STK11IP: variants seen among roughly 807,000 people sequenced by gnomAD.
STK11IP encodes the protein serine/threonine kinase 11 interacting protein.
Under a neutral mutation model 131.7 loss-of-function variants are expected in STK11IP, and 103 were observed. That is an observed-to-expected ratio of 0.78 (90% CI 0.67 to 0.92). The LOEUF (loss-of-function observed/expected upper bound fraction) is 0.92, where lower values mean the gene tolerates loss of function less well. Ranked by LOEUF, STK11IP falls within the 40% of genes least tolerant of loss-of-function variation. STK11IP has a pLI of 0.00. For missense variants in STK11IP, 1,315 were observed against 1,385.7 expected (o/e 0.95, Z 0.81); for synonymous variants, 557 against 575.6 (o/e 0.97, Z 0.46).
At chr2:219,611,886 C>G (rs980535710) in intron 18 of STK11IP, 52 bp downstream of exon 18, 12 of 1,578,334 alleles carry the variant, frequency 7.6e-6, no homozygotes, top group Non-Finnish European at 9.5e-6. Context: ...GGAAGGGGCA[C>G]TGATGGGGAG....
intron 18 of STK11IP, 31 bp downstream of exon 18, chr2:219,611,865 G>A: frequency 3.8e-6 from 6 of 1,592,182 alleles, no homozygotes; most frequent in Non-Finnish European, 5.1e-6. Flanking sequence ...ACATAGATGA[G>A]TTTGGGGAAG....
rs1244487161 is a variant in STK11IP, at chr2:219,606,158, C to A, written c.850-37C>A. ...TTCTTCACACAGGGAGGGCCAGGGC[C>A]CCAGGCCCTCCTCATTCTCCCCTTC... On this transcript the variant is annotated intron_variant, in intron 9 of 24. Coordinates refer to ENST00000456909, the MANE Select transcript of STK11IP (RefSeq NM_052902.4). 6.5e-6 allele frequency: 10 copies of A among 1,548,710 alleles called. No homozygotes were observed. The South Asian group carries it at 1.2e-4, about 18-fold the overall frequency.
At position 219,615,323 on chromosome 2, in the gene STK11IP, G is replaced by A. The variant is rs765522931; in HGVS notation, c.3099G>A (p.Arg1033=). 8.1e-6 allele frequency: 13 copies of A among 1,601,650 alleles called. No homozygotes were observed. Among genetic ancestry groups the A allele is most frequent in the African/African-American group, 1.3e-5 (1 of 74,864 alleles). ...ACCGCTCAGCCCCTGAGGACTTGCGGCTGCTCTTCTACGATGAGGTGTGTA... is the reference window on the plus strand; with the variant it reads ...ACCGCTCAGCCCCTGAGGACTTGCGACTGCTCTTCTACGATGAGGTGTGTA... ...LLYRSAPEDL[R]LLFYDEVSRL... Residue 1033 remains arginine (R), a synonymous_variant, in exon 24 of 25, where the codon CGG becomes CGA. Coordinates refer to ENST00000456909, the MANE Select transcript of STK11IP (RefSeq NM_052902.4).
intron 8 of STK11IP, 64 bp downstream of exon 8, chr2:219,605,798 C>T: frequency 6.4e-7 from 1 of 1,557,866 alleles, no homozygotes; most frequent in South Asian, 1.2e-5. Flanking sequence ...CTGGGGCTGG[C>T]CTGGGGACCA....
intron 4 of STK11IP, 42 bp from the exon 5 acceptor site, chr2:219,601,946 C>T (rs867755614): frequency 6.5e-7 from 1 of 1,534,930 alleles, no homozygotes; most frequent in Non-Finnish European, 8.9e-7. Context: ...TCTTTGTCTT[C>T]TGTGGGGTTC....
intron 19 of STK11IP, 99 bp downstream of exon 19, chr2:219,612,157 G>T: frequency 1.8e-6 from 2 of 1,122,422 alleles, no homozygotes; most frequent in East Asian, 2.6e-5. Flanking sequence ...CTAGAGACCT[G>T]ATCTGGCTTC....
intron 7 of STK11IP, among the ~76,000 whole-genome samples, chr2:219,604,535 A>G (rs1698089423): frequency 1.3e-5 from 2 of 152,204 alleles, no homozygotes; most frequent in Non-Finnish European, 2.9e-5. Flanking sequence ...CTGGATGGTG[A>G]GAGTGACCAG....
At chr2:219,614,056 T>G in intron 21 of STK11IP, 105 bp from the exon 22 acceptor site, 1 of 1,533,428 alleles carries the variant, frequency 6.5e-7, no homozygotes, top group Non-Finnish European at 8.9e-7. Flanking sequence ...TTGTAGAAGT[T>G]TCTGAAATCC....
intron 7 of STK11IP, among the ~76,000 whole-genome samples, chr2:219,604,774 C>T (rs773239100): frequency 3.3e-5 from 5 of 150,610 alleles, no homozygotes; most frequent in Non-Finnish European, 4.4e-5. Context: ...GTTGCAGTCA[C>T]GGTTATTTCC....
rs1201879522 is a variant in STK11IP at position 219,601,237 on chromosome 2, G to A, written c.64G>A (p.Asp22Asn). ...CCTGTTTGCCCCTTTTTCTGCAGGG[G>A]ATGTGGTCCTGTCTGGCTGTAGCAC... is the stretch of plus-strand genomic sequence containing the variant. ...KLAGLLRESG[D>N]VVLSGCSTLS... Residue 22 changes from aspartate (D) to asparagine (N), a missense_variant and splice_region_variant, in exon 3 of 25, where the codon GAT becomes AAT. Coordinates refer to ENST00000456909, the MANE Select transcript of STK11IP (RefSeq NM_052902.4). 1.2e-6 allele frequency: 2 copies of A among 1,610,116 alleles called. No individual in the cohort carries two copies. The highest frequency in any genetic ancestry group is 1.7e-6 in the Non-Finnish European group (2 of 1,177,124).
rs751075866 is a variant in STK11IP, at chr2:219,608,753, C to T, written c.1774C>T (p.Pro592Ser). ...LQSLEAAEIE[P>S]EAQAQRSPRP... is the part of the protein sequence containing the mutation. ...GAGTCTGGAGGCAGCTGAGATAGAG[C>T]CGGAGGCCCAGGCCCAGAGGTCGCC... The change falls in exon 15 of 25, where the codon CCG (proline) becomes TCG (serine). Residue 592 changes from proline (P) to serine (S), a missense_variant. By Grantham distance (74) the Pro-to-Ser change is moderately conservative. Transcript: ENST00000456909. 6.2e-7 allele frequency: 1 copy of T among 1,610,856 alleles called. No individual in the cohort carries two copies. Among genetic ancestry groups the T allele is most frequent in the South Asian group, 1.1e-5 (1 of 90,612 alleles).
At chr2:219,598,044 T>A (rs1435726853) in intron 1 of STK11IP, 50 bp from the exon 2 acceptor site, 7 of 1,566,344 alleles carry the variant, frequency 4.5e-6, no homozygotes, top group Non-Finnish European at 6.1e-6. Context: ...CCTGGGCTTT[T>A]GGCACTACCG....
intron 13 of STK11IP, 139 bp from the exon 14 acceptor site, chr2:219,607,908 A>G: frequency 1.8e-6 from 2 of 1,128,234 alleles, no homozygotes; most frequent in Non-Finnish European, 1.2e-6. Flanking sequence ...CATGCCGCGG[A>G]GGGGACGCCT....
Position 219,606,764 on chromosome 2 carries a change from T to TG in STK11IP, c.1044dup (p.Ser349GlufsTer4), listed in dbSNP as rs764912943. On this transcript the variant is annotated frameshift_variant, in exon 12 of 25. Coordinates refer to ENST00000456909, the MANE Select transcript of STK11IP (RefSeq NM_052902.4). LOFTEE classifies it high-confidence loss of function. Reference sequence around the variant, plus strand: ...ATGGGCCCACCTTTGCCCTGGCCAGTGGGGAGTACTCCTGAAACCTCAGGT... The same window carrying TG: ...ATGGGCCCACCTTTGCCCTGGCCAGTGGGGGAGTACTCCTGAAACCTCAGGT... The TG allele has an allele frequency of 1.2e-6, 2 of 1,613,602 alleles. No homozygotes were observed. Among genetic ancestry groups the TG allele is most frequent in the Non-Finnish European group, 1.7e-6 (2 of 1,179,820 alleles).
At position 219,613,746 on chromosome 2, in the gene STK11IP, C is replaced by T; in HGVS notation, c.2538-6C>T. 1 of 1,612,292 alleles carries T rather than the reference C, an allele frequency of 6.2e-7. No individual in the cohort carries two copies. Among genetic ancestry groups the T allele is most frequent in the Non-Finnish European group, 8.5e-7 (1 of 1,179,598 alleles). On this transcript the variant is annotated splice_region_variant and splice_polypyrimidine_tract_variant and intron_variant, in intron 20 of 24. Coordinates refer to ENST00000456909, the MANE Select transcript of STK11IP (RefSeq NM_052902.4). ...TTCTCCATTGCTCTGTCCCCTCTCT[C>T]CACAGTGAGCCTCCAGCTAGCTGGC...
intron 7 of STK11IP, 61 bp downstream of exon 7, chr2:219,602,837 C>T: frequency 6.6e-7 from 1 of 1,512,580 alleles, no homozygotes; most frequent in South Asian, 1.2e-5. Context: ...TGCTCTCACT[C>T]TCTCTCCTTG....
At position 219,615,111 on chromosome 2, in the gene STK11IP, G is replaced by A. The variant is rs755473286; in HGVS notation, c.2887G>A (p.Val963Ile). 1.4e-5 allele frequency: 22 copies of A among 1,609,130 alleles called. No individual in the cohort carries two copies. In the South Asian group the frequency reaches 1.4e-4, roughly 11 times the overall value. ...FLVEGPSTCL[V>I]SLLLTPSTLF... ...CCCTGCAGGCCCTTCCACCTGCCTC[G>A]TATCCCTGTTGCTGACTCCGTCCAC... The change falls in exon 24 of 25, where the codon GTA (valine) becomes ATA (isoleucine). Residue 963 changes from valine to isoleucine, a missense_variant. By Grantham distance (29) the Val-to-Ile change is conservative (BLOSUM62 3). Transcript: ENST00000456909.
At chr2:219,614,135 A>C in intron 21 of STK11IP, 26 bp from the exon 22 acceptor site, 1 of 1,612,834 alleles carries the variant, frequency 6.2e-7, no homozygotes, top group Non-Finnish European at 8.5e-7. Context: ...GAGCCTTCTA[A>C]AGTTCCCTGG....
intron 13 of STK11IP, among the ~76,000 whole-genome samples, chr2:219,607,394 C>T (rs931048265): frequency 2.0e-5 from 3 of 152,092 alleles, no homozygotes; most frequent in Admixed American, 6.5e-5. Context: ...CAGTGGCTTA[C>T]ATCTGTAATC....
Sources: allele counts gnomAD v4.1 joint callset (sites outside exome capture counted in the v4.1 genomes callset), GRCh38; gene constraint gnomAD v4.1.1; transcripts MANE v1.5; gene names NCBI Gene and HGNC (gene_info 2026-07-23, HGNC 2026-07-21).